The following SHCBP1 variants were observed in gnomAD, a reference collection of about 807,000 sequenced individuals.
The protein encoded by SHCBP1 is SHC SH2 domain-binding protein 1.
Under a neutral mutation model 75.1 loss-of-function variants are expected in SHCBP1, and 60 were observed. That is an observed-to-expected ratio of 0.80 (90% confidence interval 0.65 to 0.99). SHCBP1 has a LOEUF of 0.99. Ranked by LOEUF, SHCBP1 falls within the 50% of genes least tolerant of loss-of-function variation. The pLI is 0.00. For missense variants in SHCBP1, 709 were observed against 809.4 expected (o/e 0.88, Z 1.50); for synonymous variants, 290 against 293.2 (o/e 0.99, Z 0.11).
chr16:46,618,340 A>G lies in SHCBP1; in HGVS notation c.136T>C (p.Cys46Arg), dbSNP rs780292870. The G allele has an allele frequency of 6.2e-7, 1 of 1,611,540 alleles. No homozygotes were observed. The highest frequency in any genetic ancestry group is 8.5e-7 in the Non-Finnish European group (1 of 1,179,306). ...GAACCTGGTTTATCACGGTAGCTAC[A>G]ATCACTGCATGAATCTTCATCTTGG... Reference protein sequence around the residue: ...LFQDEDSCSDCSYRDKPGSSL... With the variant: ...LFQDEDSCSDRSYRDKPGSSL... The change falls in exon 2 of 13, where the codon TGT becomes CGT. Residue 46 changes from cysteine (C) to arginine (R), a missense_variant. Transcript: ENST00000303383.
chr16:46,582,016 C>T lies in SHCBP1; in HGVS notation c.1732G>A (p.Asp578Asn). The change falls in exon 13 of 13, where the codon GAT (aspartate) becomes AAT (asparagine). Residue 578 changes from aspartate (D) to asparagine (N), a missense_variant. Physicochemically the swap from Asp to Asn is conservative, Grantham distance 23. Transcript: ENST00000303383. ...ALKIQTSGEP[D>N]VAERVDLEEL... ...TCTAGATCCACTCTTTCAGCCACAT[C>T]TGGCTCTCCACTTGTCTGAATTTTA... The T allele has an allele frequency of 1.2e-6, 2 of 1,613,228 alleles. No individual in the cohort carries two copies. The highest frequency in any genetic ancestry group is 1.3e-5 in the African/African-American group (1 of 75,010).
intron 4 of SHCBP1, among the ~76,000 whole-genome samples, chr16:46,611,992 T>C (rs1230541118): frequency 2.0e-5 from 3 of 152,180 alleles, no homozygotes; most frequent in Non-Finnish European, 4.4e-5. Flanking sequence ...GATTCCAAAG[T>C]GGTTCCAAGG....
At chr16:46,601,544 C>T (rs1273579275) in intron 8 of SHCBP1, among the ~76,000 whole-genome samples, 7 of 151,962 alleles carry the variant, frequency 4.6e-5, no homozygotes, top group African/African-American at 1.5e-4. Context: ...CAAGCAAAGC[C>T]GCTCAATGTA....
Position 46,586,933 on chromosome 16 carries a change from T to C in SHCBP1, c.1465-2844A>G, listed in dbSNP as rs550363339. Among the ~76,000 whole-genome samples the C allele has an allele frequency of 9.9e-5, 15 of 152,180 alleles. 1 individual carries two copies. The South Asian group carries it at 1.7e-3, about 17-fold the overall frequency. On this transcript the variant is annotated intron_variant, in intron 10 of 12. Coordinates refer to ENST00000303383, the MANE Select transcript of SHCBP1 (RefSeq NM_024745.5). ...AAAATTTGTCACCAGCAGACGTATCTTCATAGAATGACTAAAGGAAGTTAT... is the reference window on the plus strand; with the variant it reads ...AAAATTTGTCACCAGCAGACGTATCCTCATAGAATGACTAAAGGAAGTTAT...
chr16:46,587,419 T>C (rs542743999), intron 10 of SHCBP1, among the ~76,000 whole-genome samples: 1 of 152,246 alleles, frequency 6.6e-6, no homozygotes, highest in South Asian at 2.1e-4. Flanking sequence ...ACTAAAGATT[T>C]AATATCAATA....
chr16:46,603,471 A>T, intron 8 of SHCBP1, 68 bp downstream of exon 8: 1 of 1,595,582 alleles, frequency 6.3e-7, no homozygotes, highest in Non-Finnish European at 8.6e-7. Context: ...TTTCAACAAG[A>T]TTGGTGATTT....
chr16:46,618,569 CAATAAGCGCTTAA>C (rs1965539106), intron 1 of SHCBP1, among the ~76,000 whole-genome samples, 197 bp from the exon 2 acceptor site: 1 of 119,420 alleles, frequency 8.4e-6, no homozygotes, highest in South Asian at 6.0e-4. Context: ...TACTTCAAAA[CAATAAGCGCTTAA>C]GATCTTTCAC....
intron 4 of SHCBP1, among the ~76,000 whole-genome samples, chr16:46,612,711 T>C (rs1390871653): frequency 6.6e-6 from 1 of 152,136 alleles, no homozygotes; most frequent in Admixed American, 6.5e-5. Flanking sequence ...GCCTTCCACC[T>C]TTTCCACCTG....
At chr16:46,599,735 CAA>C (rs1965201953) in intron 9 of SHCBP1, 94 bp downstream of exon 9, 2 of 816,136 alleles carry the variant, frequency 2.5e-6, no homozygotes, top group Non-Finnish European at 3.2e-6. Flanking sequence ...TGCCTGTACT[CAA>C]GAGTGGCATT....
intron 7 of SHCBP1, 112 bp downstream of exon 7, chr16:46,603,863 G>T: frequency 7.1e-7 from 1 of 1,404,364 alleles, no homozygotes; most frequent in Non-Finnish European, 9.6e-7. Flanking sequence ...TACTTCCCAT[G>T]CACAGAAAAC....
In SHCBP1 at chr16:46,589,701, C is replaced by T. The variant is rs1286112242; in HGVS notation, c.1465-5612G>A. ...GACACAAATGGAAGAACATTCCATG[C>T]TCATGGATAGGAAGAATCAATATCA... On this transcript the variant is annotated intron_variant, in intron 10 of 12. Transcript: ENST00000303383. Among the ~76,000 whole-genome samples the T allele has an allele frequency of 2.6e-5, 4 of 152,320 alleles. No individual in the cohort carries two copies. The South Asian group carries it at 8.3e-4, about 32-fold the overall frequency.
At chr16:46,608,586 C>T (rs1473361757) in intron 4 of SHCBP1, among the ~76,000 whole-genome samples, 197 bp from the exon 5 acceptor site, 1 of 147,048 alleles carries the variant, frequency 6.8e-6, no homozygotes, top group East Asian at 2.0e-4. Flanking sequence ...AGTTTCTCCA[C>T]ACTGGTTTTG....
chr16:46,611,078 G>A (rs1965409066), intron 4 of SHCBP1, among the ~76,000 whole-genome samples: 1 of 152,130 alleles, frequency 6.6e-6, no homozygotes, highest in African/African-American at 2.4e-5. Flanking sequence ...CAGGTACTCT[G>A]ATTTCCTCCC....
chr16:46,601,393 C>CA (rs1395756629), intron 8 of SHCBP1, among the ~76,000 whole-genome samples: 4 of 152,104 alleles, frequency 2.6e-5, no homozygotes, highest in African/African-American at 9.7e-5. Context: ...AGTGGGCTTA[C>CA]AAAAAACTAG....
rs1205224755 is a variant in SHCBP1 at position 46,579,391 on chromosome 16, CAT to C, written c.*2336_*2337del. 6.6e-6 allele frequency among the ~76,000 whole-genome samples: 1 copy of C among 152,034 alleles called. No homozygotes were observed. Among genetic ancestry groups the C allele is most frequent in the African/African-American group, 2.4e-5 (1 of 41,380 alleles). On this transcript the variant is annotated 3_prime_UTR_variant, in exon 13 of 13. Coordinates refer to ENST00000303383, the MANE Select transcript of SHCBP1 (RefSeq NM_024745.5). ...AGTAGGCCTACTCATTATAATGAAT[CAT>C]GTGAATAAAAATTAATATAAGCTTA...
chr16:46,610,162 G>A (rs1965386816), intron 4 of SHCBP1, among the ~76,000 whole-genome samples: 1 of 152,008 alleles, frequency 6.6e-6, no homozygotes, highest in Non-Finnish European at 1.5e-5. Context: ...ATGTTGGCCA[G>A]GCTGGTCTCA....
intron 9 of SHCBP1, among the ~76,000 whole-genome samples, chr16:46,596,098 G>GA (rs1313124646): frequency 6.6e-6 from 1 of 151,726 alleles, no homozygotes; most frequent in African/African-American, 2.4e-5. Context: ...AGTTTTAAAA[G>GA]AAAAAAATCA....
chr16:46,607,096 T>C (rs1267489146), intron 5 of SHCBP1, among the ~76,000 whole-genome samples: 3 of 152,136 alleles, frequency 2.0e-5, no homozygotes, highest in African/African-American at 7.2e-5. Context: ...GGCGCAGTCC[T>C]GTAATCCCAG....
At chr16:46,584,177 A>G (rs1380934404) in intron 10 of SHCBP1, 88 bp from the exon 11 acceptor site, 1 of 909,590 alleles carries the variant, frequency 1.1e-6, no homozygotes, top group Non-Finnish European at 1.7e-6. Flanking sequence ...AGCCTTTAAC[A>G]CAGTACAAAT....
Sources: allele counts gnomAD v4.1 joint callset (sites outside exome capture counted in the v4.1 genomes callset), GRCh38; gene constraint gnomAD v4.1.1; transcripts MANE v1.5; gene names NCBI Gene and HGNC (gene_info 2026-07-23, HGNC 2026-07-21).